DST: variants seen among roughly 807,000 people sequenced by gnomAD.
The protein encoded by DST is dystonin, also known as bullous pemphigoid antigen.
A neutral mutation model predicts 875.2 loss-of-function variants in DST; 253 were observed. The ratio of observed to expected loss-of-function variants is 0.29; its 90% CI spans 0.26 to 0.32. The LOEUF (loss-of-function observed/expected upper bound fraction) is 0.32, where lower values mean the gene tolerates loss of function less well. DST is among the 10% of genes least tolerant of loss of function. DST has a pLI of 1.00. For missense variants in DST, 8,287 were observed against 9,111.6 expected (o/e 0.91, Z 3.68); for synonymous variants, 3,124 against 3,197.1 (o/e 0.98, Z 0.77).
At chr6:56,810,523 T>A (rs1186805775) in intron 4 of DST, among the ~76,000 whole-genome samples, 1 of 152,170 alleles carries the variant, frequency 6.6e-6, no homozygotes, top group Non-Finnish European at 1.5e-5. Flanking sequence ...AAGAACCTAA[T>A]AATTTGCAAA....
Position 56,704,369 on chromosome 6 carries a change from C to T in DST, c.688G>A (p.Val230Ile). 1 of 1,531,654 alleles carries T rather than the reference C, an allele frequency of 6.5e-7. No homozygotes were observed. Among genetic ancestry groups the T allele is most frequent in the Non-Finnish European group, 8.8e-7 (1 of 1,134,804 alleles). The allele number at this position is 1,531,654 out of a possible 1,614,324, so 94.9% of individuals were successfully genotyped here. A position where few individuals can be genotyped will look rare whatever the true frequency, so the allele number is the denominator to read the frequency against. The change falls in exon 6 of 104, where the codon GTT becomes ATT. Residue 230 changes from valine (V) to isoleucine (I), a missense_variant and splice_region_variant. Around this residue, in one of 10 missense-constraint regions of DST, gnomAD observed 1,160 missense variants for 1,424.3 expected, o/e 0.81. Coordinates refer to ENST00000680361, the MANE Select transcript of DST (RefSeq NM_001374736.1). ...TAGAGATCATTCACATGTTTTCGAA[C>T]CTATAAAGAGAAAAGCAAAATTTGG... The part of the protein sequence containing the change: ...TKWINQHLMK[V>I]RKHVNDLYED...
rs2099324042 is a variant in DST at position 56,704,303 on chromosome 6, CT to C, written c.753del (p.Glu252ArgfsTer15). The C allele has an allele frequency of 6.4e-7, 1 of 1,558,962 alleles. No homozygotes were observed. The highest frequency in any genetic ancestry group is 1.4e-5 in the African/African-American group (1 of 73,096). ...ACCAAGGTATCTCCTGAAAGAACCT[CT>C]AAAAGAGAAATCAAATTGTGTCCAT... ...LRDGHNLISL[L>X]EVLSGDTLPR... On this transcript the variant is annotated frameshift_variant, in exon 6 of 104. Transcript: ENST00000680361. LOFTEE classifies it high-confidence loss of function.
Position 56,633,006 on chromosome 6 carries a change from T to G in DST, c.3653A>C (p.Gln1218Pro). The G allele has an allele frequency of 1.2e-6, 2 of 1,614,054 alleles. No individual in the cohort carries two copies. The highest frequency in any genetic ancestry group is 8.5e-7 in the Non-Finnish European group (1 of 1,179,996). Residue 1218 changes from glutamine to proline, a missense_variant, in exon 28 of 104, where the codon CAA (glutamine) becomes CCA (proline). By Grantham distance (76) the Gln-to-Pro change is moderately conservative (BLOSUM62 -1). Around this residue, in one of 10 missense-constraint regions of DST, gnomAD observed 3,138 missense variants for 3,116.6 expected, o/e 1.01. Coordinates refer to ENST00000680361, the MANE Select transcript of DST (RefSeq NM_001374736.1). ...ACGAGATTGTAGATTACTTAGAACT[T>G]GCTGATGTTCACCAGGTAGCATTGT... ...IKTMLPGEHQQVLSNLQSRFE... is the reference protein window; with the variant it reads ...IKTMLPGEHQPVLSNLQSRFE...
chr6:56,497,933 C>A lies in DST; in HGVS notation c.20017G>T (p.Val6673Phe). Residue 6673 changes from valine to phenylalanine, a missense_variant, in exon 81 of 104, where the codon GTT becomes TTT. Coordinates refer to ENST00000680361, the MANE Select transcript of DST (RefSeq NM_001374736.1). ...EASNLQNKLE[V>F]LNQRWQNVLE... ...ACATTTTGCCAGCGTTGATTTAAAA[C>A]CTCTAGCTTGTTCTGAAGGTTGCTT... 3 of 1,613,420 alleles carry A rather than the reference C, an allele frequency of 1.9e-6. No homozygotes were observed. The highest frequency in any genetic ancestry group is 2.5e-6 in the Non-Finnish European group (3 of 1,179,572).
intron 4 of DST, among the ~76,000 whole-genome samples, chr6:56,814,232 G>A (rs2099764044): frequency 6.6e-6 from 1 of 152,178 alleles, no homozygotes; most frequent in Admixed American, 6.5e-5. Flanking sequence ...ATTCATGTAT[G>A]TGGAAAATGA....
intron 63 of DST, 115 bp from the exon 64 acceptor site, chr6:56,532,625 A>G: frequency 1.0e-6 from 1 of 967,022 alleles, no homozygotes; most frequent in Non-Finnish European, 1.5e-6. Flanking sequence ...ATGTATGCAC[A>G]TATGAAAGGA....
chr6:56,896,103 C>CGGGAGA lies in DST; in HGVS notation c.417+4312_417+4317dup, dbSNP rs1189487805. On this transcript the variant is annotated intron_variant, in intron 3 of 103. Transcript: ENST00000680361. ...GGGAGACGGGAGAGGGAGAGGGAGA[C>CGGGAGA]GGGAGAGGGAGAGGGAGACGGGAGA... Among the ~76,000 whole-genome samples, 2 of 79,858 alleles carry CGGGAGA rather than the reference C, an allele frequency of 2.5e-5. 1 individual carries two copies. Among genetic ancestry groups the CGGGAGA allele is most frequent in the African/African-American group, 1.5e-4 (2 of 12,976 alleles). 52.4% of individuals were successfully genotyped at this position (79,858 alleles called of 152,430 possible).
At chr6:56,648,252 C>T (rs1184724955) in intron 13 of DST, among the ~76,000 whole-genome samples, 1 of 152,038 alleles carries the variant, frequency 6.6e-6, no homozygotes, top group African/African-American at 2.4e-5. Context: ...CCTTCTACCT[C>T]AAGCCATCTC....
At chr6:56,469,355 GA>G (rs557927558) in intron 97 of DST, among the ~76,000 whole-genome samples, 2,330 of 142,314 alleles carry the variant, frequency 0.016, 67 homozygotes, top group African/African-American at 0.056. Flanking sequence ...TTCCAAAAGA[GA>G]AAAAAAAAAA....
intron 9 of DST, among the ~76,000 whole-genome samples, chr6:56,672,432 G>A (rs1229441415): frequency 6.6e-6 from 1 of 152,114 alleles, no homozygotes; most frequent in Non-Finnish European, 1.5e-5. Context: ...AAACTCCAGA[G>A]CATGGAAAAG....
chr6:56,611,651 T>A (rs1482514959), intron 37 of DST, 55 bp from the exon 38 acceptor site: 2 of 1,161,006 alleles, frequency 1.7e-6, no homozygotes, highest in East Asian at 2.5e-5. Flanking sequence ...GTAAACAGTA[T>A]TTTTTTTAAA....
At chr6:56,762,382 T>G (rs1040649877) in intron 4 of DST, among the ~76,000 whole-genome samples, 3 of 152,174 alleles carry the variant, frequency 2.0e-5, no homozygotes, top group African/African-American at 7.2e-5. Flanking sequence ...AATGGCCTAC[T>G]TGCCTTCGCC....
At chr6:56,641,859 A>T in intron 17 of DST, 88 bp downstream of exon 17, 1 of 1,058,436 alleles carries the variant, frequency 9.4e-7, no homozygotes, top group Non-Finnish European at 1.3e-6. Context: ...ATATTTCATA[A>T]AATTTTCATA....
intron 101 of DST, 136 bp downstream of exon 101, chr6:56,463,429 T>C (rs2094435301): frequency 2.2e-6 from 2 of 894,508 alleles, no homozygotes; most frequent in African/African-American, 3.4e-5. Context: ...AATTCCTGTA[T>C]TTCCCACAGT....
At chr6:56,708,051 C>G (rs1302547425) in intron 5 of DST, among the ~76,000 whole-genome samples, 1 of 152,146 alleles carries the variant, frequency 6.6e-6, no homozygotes, top group Non-Finnish European at 1.5e-5. Flanking sequence ...GAGCTGTGAT[C>G]ATGCCACTGC....
chr6:56,830,437 C>T (rs1036725258), intron 4 of DST, among the ~76,000 whole-genome samples: 10 of 152,158 alleles, frequency 6.6e-5, no homozygotes, highest in Non-Finnish European at 1.5e-4. Context: ...ATTTTGTCTA[C>T]TTTTGTCCAC....
At chr6:56,728,547 A>C (rs2099480349) in intron 5 of DST, among the ~76,000 whole-genome samples, 1 of 152,116 alleles carries the variant, frequency 6.6e-6, no homozygotes, top group African/African-American at 2.4e-5. Flanking sequence ...ATGGTGGCTC[A>C]TGCCTGTAAT....
intron 4 of DST, among the ~76,000 whole-genome samples, chr6:56,774,728 C>T (rs925317988): frequency 1.3e-5 from 2 of 152,174 alleles, no homozygotes; most frequent in African/African-American, 4.8e-5. Flanking sequence ...CATGATGGCT[C>T]ACGCCTCTAA....
At chr6:56,670,122 G>A (rs1205024604) in intron 10 of DST, among the ~76,000 whole-genome samples, 1 of 137,290 alleles carries the variant, frequency 7.3e-6, no homozygotes, top group Non-Finnish European at 1.6e-5. Flanking sequence ...CTGTGTGTGC[G>A]AGCGCCCGTG....
Sources: allele counts gnomAD v4.1 joint callset (sites outside exome capture counted in the v4.1 genomes callset), GRCh38; gene constraint gnomAD v4.1.1; regional missense constraint gnomAD v4.1.1; transcripts MANE v1.5; gene names NCBI Gene and HGNC (gene_info 2026-07-23, HGNC 2026-07-21).